Variants in NRG3 observed in about 807,000 individuals in gnomAD.
The protein encoded by NRG3 is pro-neuregulin-3, membrane-bound isoform.
Under a neutral mutation model 66.9 loss-of-function variants are expected in NRG3, and 31 were observed. The observed-to-expected ratio is 0.46, with a 90% CI of 0.35 to 0.63. The LOEUF is 0.63. Ranked by LOEUF, NRG3 falls within the 20% of genes least tolerant of loss-of-function variation. The pLI, the probability that NRG3 is intolerant of heterozygous loss-of-function variation, is 0.00. For missense variants in NRG3, 910 were observed against 878.9 expected, an observed-to-expected ratio of 1.04 and a Z score of -0.45; for synonymous variants, 393 against 359.4, an observed-to-expected ratio of 1.09 and a Z score of -1.06.
intron 2 of NRG3, among the ~76,000 whole-genome samples, chr10:82,608,132 TG>T (rs1460480098): frequency 1.3e-5 from 2 of 152,334 alleles, no homozygotes; most frequent in African/African-American, 4.8e-5. Context: ...CTTCAGTTTT[TG>T]TTTGTCTAAG....
At chr10:82,051,426 G>T (rs12784021) in intron 1 of NRG3, among the ~76,000 whole-genome samples, 36,446 of 151,910 alleles carry the variant, frequency 0.24, 4,492 homozygotes, top group Middle Eastern at 0.33. Context: ...TGAGGATGAC[G>T]TCTACTTGCC....
At chr10:82,852,402 T>A (rs577852147) in intron 3 of NRG3, among the ~76,000 whole-genome samples, 1 of 152,086 alleles carries the variant, frequency 6.6e-6, no homozygotes, top group Admixed American at 6.6e-5. Context: ...ATGGCACATG[T>A]AAACCTATGT....
At position 82,255,383 on chromosome 10, in the gene NRG3, A is replaced by G. The variant is rs117793925; in HGVS notation, c.824-103356A>G. 8.2e-3 allele frequency among the ~76,000 whole-genome samples: 1,251 copies of G among 152,302 alleles called. 38 individuals carry two copies. Among genetic ancestry groups the G allele is most frequent in the East Asian group, 0.067 (344 of 5,166 alleles). The stretch of plus-strand genomic sequence containing the variant: ...GAACAGAAAAGGACATGGGGTAAAA[A>G]TGAAGGAAGTCTGAATAGACTGTGG... On this transcript the variant is annotated intron_variant, in intron 1 of 8. Coordinates refer to ENST00000372141, the MANE Select transcript of NRG3 (RefSeq NM_001010848.4).
At chr10:82,782,668 T>G (rs1296563519) in intron 3 of NRG3, among the ~76,000 whole-genome samples, 2 of 151,370 alleles carry the variant, frequency 1.3e-5, no homozygotes, top group Middle Eastern at 3.2e-3. Flanking sequence ...ATGAATGGAG[T>G]GTTAAGGGCA....
chr10:82,307,419 G>T (rs1200346306), intron 1 of NRG3, among the ~76,000 whole-genome samples: 3 of 152,024 alleles, frequency 2.0e-5, no homozygotes, highest in Admixed American at 1.3e-4. Flanking sequence ...GAAGTCACTG[G>T]TTCATATTTT....
At chr10:82,483,646 C>G (rs1020637397) in intron 2 of NRG3, among the ~76,000 whole-genome samples, 2 of 152,170 alleles carry the variant, frequency 1.3e-5, no homozygotes, top group African/African-American at 4.8e-5. Flanking sequence ...CCCTATTCCC[C>G]TTTTAAAAAG....
chr10:82,732,393 A>G (rs2057955140), intron 2 of NRG3, among the ~76,000 whole-genome samples: 1 of 152,156 alleles, frequency 6.6e-6, no homozygotes, highest in African/African-American at 2.4e-5. Flanking sequence ...TTTAAATCCT[A>G]ATCCTGGGAA....
At position 82,193,561 on chromosome 10, in the gene NRG3, T is replaced by C. The variant is rs1383738210; in HGVS notation, c.824-165178T>C. On this transcript the variant is annotated intron_variant, in intron 1 of 8. Coordinates refer to ENST00000372141, the MANE Select transcript of NRG3 (RefSeq NM_001010848.4). ...TTGTCAGTGTCTGGGTAGAAGTTTC[T>C]GGTTGCTAGACCTAGGATAGTTCTG... 4.6e-5 allele frequency among the ~76,000 whole-genome samples: 7 copies of C among 152,326 alleles called. No homozygotes were observed. The East Asian group carries it at 1.4e-3, about 29-fold the overall frequency.
intron 1 of NRG3, among the ~76,000 whole-genome samples, chr10:82,343,389 C>A (rs2082786212): frequency 6.6e-6 from 1 of 151,996 alleles, no homozygotes; most frequent in Non-Finnish European, 1.5e-5. Context: ...AAACACTAAT[C>A]ATAGATGACA....
intron 1 of NRG3, among the ~76,000 whole-genome samples, chr10:82,336,103 C>T (rs1388408447): frequency 6.6e-6 from 1 of 151,974 alleles, no homozygotes; most frequent in African/African-American, 2.4e-5. Flanking sequence ...GGGCCTGGGA[C>T]CATAGTATAC....
chr10:82,666,776 C>T (rs1468235782), intron 2 of NRG3, among the ~76,000 whole-genome samples: 1 of 152,202 alleles, frequency 6.6e-6, no homozygotes, highest in Non-Finnish European at 1.5e-5. Context: ...CTTCCTGTTG[C>T]TCAGTTTGCT....
At chr10:82,891,497 A>G (rs1398526763) in intron 4 of NRG3, among the ~76,000 whole-genome samples, 3 of 152,018 alleles carry the variant, frequency 2.0e-5, no homozygotes, top group African/African-American at 7.2e-5. Context: ...TAGAGGTCTC[A>G]CACATCCTTG....
intron 1 of NRG3, among the ~76,000 whole-genome samples, chr10:81,948,757 C>A (rs1589562662): frequency 6.6e-6 from 1 of 152,276 alleles, no homozygotes; most frequent in Non-Finnish European, 1.5e-5. Flanking sequence ...ATCCTCATTT[C>A]CCACACTGAT....
chr10:82,314,309 C>T (rs1410672987), intron 1 of NRG3, among the ~76,000 whole-genome samples: 2 of 152,102 alleles, frequency 1.3e-5, no homozygotes, highest in Admixed American at 6.6e-5. Flanking sequence ...CACATTTCCT[C>T]ATCTTTTGAT....
At chr10:82,869,733 G>A (rs1255442304) in intron 4 of NRG3, among the ~76,000 whole-genome samples, 2 of 151,584 alleles carry the variant, frequency 1.3e-5, no homozygotes, top group African/African-American at 2.4e-5. Context: ...TCAGCCTCCC[G>A]AGTAGCTGGG....
chr10:82,887,207 G>C (rs1014524118), intron 4 of NRG3, among the ~76,000 whole-genome samples: 1 of 152,156 alleles, frequency 6.6e-6, no homozygotes, highest in African/African-American at 2.4e-5. Context: ...CAGAGATTAG[G>C]ATAGAGCAAG....
intron 1 of NRG3, among the ~76,000 whole-genome samples, chr10:82,188,073 T>A (rs2073914638): frequency 6.6e-6 from 1 of 151,534 alleles, no homozygotes; most frequent in African/African-American, 2.4e-5. Flanking sequence ...ACTACAGAGG[T>A]TTAGTAACCA....
chr10:82,245,836 T>C (rs2077210870), intron 1 of NRG3, among the ~76,000 whole-genome samples: 1 of 152,170 alleles, frequency 6.6e-6, no homozygotes, highest in Non-Finnish European at 1.5e-5. Flanking sequence ...AAAATTCTCC[T>C]TTGATCAAAG....
At chr10:82,443,276 A>G (rs1403803761) in intron 2 of NRG3, among the ~76,000 whole-genome samples, 1 of 152,138 alleles carries the variant, frequency 6.6e-6, no homozygotes, top group Non-Finnish European at 1.5e-5. Flanking sequence ...TGAGTAGCCT[A>G]GGACAAAACC....
Sources: allele counts gnomAD v4.1 joint callset (sites outside exome capture counted in the v4.1 genomes callset), GRCh38; gene constraint gnomAD v4.1.1; transcripts MANE v1.5; gene names NCBI Gene and HGNC (gene_info 2026-07-23, HGNC 2026-07-21).